PIEZO2: variants seen among roughly 807,000 people sequenced by gnomAD.
The protein encoded by PIEZO2 is piezo-type mechanosensitive ion channel component 2.
Under a neutral mutation model 337.3 loss-of-function variants are expected in PIEZO2, and 172 were observed. That is an observed-to-expected ratio of 0.51 (90% CI 0.45 to 0.58). The LOEUF is 0.58. Among genes scored for constraint, PIEZO2 ranks in the 20% least tolerant of loss-of-function variants. PIEZO2 has a pLI of 0.00. For missense variants in PIEZO2, 3,028 were observed against 3,391.3 expected, an observed-to-expected ratio of 0.89 and a Z score of 2.66; for synonymous variants, 1,251 against 1,228.5, an observed-to-expected ratio of 1.02 and a Z score of -0.38.
intron 49 of PIEZO2, among the ~76,000 whole-genome samples, chr18:10,686,032 G>A (rs901441863): frequency 1.3e-5 from 2 of 152,214 alleles, no homozygotes; most frequent in Non-Finnish European, 1.5e-5. Context: ...TTTTCTTCTG[G>A]CTTTTCCTTA....
chr18:10,768,141 G>C (rs2038444950), intron 21 of PIEZO2, among the ~76,000 whole-genome samples: 1 of 152,204 alleles, frequency 6.6e-6, no homozygotes, highest in Non-Finnish European at 1.5e-5. Context: ...GAAAGGATCA[G>C]ATAAGAAAGG....
rs1568235241 is a variant in PIEZO2 at position 10,954,270 on chromosome 18, G to A, written c.286+25265C>T. Among the ~76,000 whole-genome samples the A allele has an allele frequency of 6.6e-6, 1 of 152,182 alleles. No homozygotes were observed. Among genetic ancestry groups the A allele is most frequent in the Non-Finnish European group, 1.5e-5 (1 of 68,036 alleles). ...TTGAACCTATAGATCAGTTTAGAGA[G>A]AAAGGACATTTTAACAACAGTGAGT... On this transcript the variant is annotated intron_variant, in intron 3 of 55. Coordinates refer to ENST00000674853, the MANE Select transcript of PIEZO2 (RefSeq NM_001378183.1). This position sits in a 1 kb window ranked among gnomAD's most constrained non-coding sequence, Gnocchi z 4.2.
At chr18:11,040,861 C>A (rs1454042972) in intron 2 of PIEZO2, among the ~76,000 whole-genome samples, 1 of 152,142 alleles carries the variant, frequency 6.6e-6, no homozygotes, top group Non-Finnish European at 1.5e-5. Flanking sequence ...ACAATTCAAA[C>A]CTCAAATAAC....
chr18:10,771,032 C>T (rs1223918054), intron 20 of PIEZO2, among the ~76,000 whole-genome samples: 1 of 152,108 alleles, frequency 6.6e-6, no homozygotes, highest in Non-Finnish European at 1.5e-5. Flanking sequence ...TGCCCCCAGC[C>T]CCCTTAATCT....
intron 41 of PIEZO2, among the ~76,000 whole-genome samples, 185 bp downstream of exon 41, chr18:10,705,151 C>T (rs188608127): frequency 2.7e-4 from 41 of 152,256 alleles, no homozygotes; most frequent in African/African-American, 9.4e-4. Flanking sequence ...GGTTCTAGAA[C>T]CAGTCATGGT....
chr18:11,010,548 G>A (rs560721486), intron 2 of PIEZO2, among the ~76,000 whole-genome samples: 2 of 152,308 alleles, frequency 1.3e-5, no homozygotes, highest in African/African-American at 4.8e-5. Flanking sequence ...GCACCTGACT[G>A]AGTCACTCAT....
intron 32 of PIEZO2, among the ~76,000 whole-genome samples, chr18:10,742,106 G>T (rs890987436): frequency 5.9e-5 from 9 of 152,194 alleles, no homozygotes; most frequent in Non-Finnish European, 1.3e-4. Context: ...AGTGAGCCGA[G>T]ATCTCGCCAC....
chr18:10,710,233 A>G (rs910070555), intron 39 of PIEZO2, among the ~76,000 whole-genome samples: 1 of 152,254 alleles, frequency 6.6e-6, no homozygotes, highest in Non-Finnish European at 1.5e-5. Context: ...CAGAACCCAC[A>G]TAATCCCACA....
intron 3 of PIEZO2, among the ~76,000 whole-genome samples, chr18:10,941,785 A>G (rs1165220158): frequency 6.6e-6 from 1 of 152,240 alleles, no homozygotes; most frequent in African/African-American, 2.4e-5. Context: ...GAAGGTTGAA[A>G]TGTAAATAGG....
chr18:10,773,669 G>A lies in PIEZO2; in HGVS notation c.2568-40C>T, dbSNP rs2038684162. 1.3e-6 allele frequency: 2 copies of A among 1,521,254 alleles called. No homozygotes were observed. The highest frequency in any genetic ancestry group is 1.8e-6 in the Non-Finnish European group (2 of 1,132,880). The allele number at this position is 1,521,254 out of a possible 1,614,324, so 94.2% of individuals were successfully genotyped here. On this transcript the variant is annotated intron_variant, in intron 19 of 55. Coordinates refer to ENST00000674853, the MANE Select transcript of PIEZO2 (RefSeq NM_001378183.1). The surrounding 1 kb of genome is among the most constrained non-coding windows in gnomAD (Gnocchi z 5.3). Reference sequence around the variant, plus strand: ...CAGCTGAGTCAGAAGAGGAAAGGGTGTTGGGAGAGATTTGACTGAGGGGCA... The same window carrying A: ...CAGCTGAGTCAGAAGAGGAAAGGGTATTGGGAGAGATTTGACTGAGGGGCA...
chr18:11,145,668 C>G (rs989309578), intron 1 of PIEZO2, among the ~76,000 whole-genome samples: 1 of 152,154 alleles, frequency 6.6e-6, no homozygotes, highest in Non-Finnish European at 1.5e-5. Context: ...CAGACCAGAA[C>G]CCTCCAATAA....
chr18:11,081,429 T>C (rs575538904), intron 1 of PIEZO2, among the ~76,000 whole-genome samples: 13 of 152,314 alleles, frequency 8.5e-5, no homozygotes, highest in Non-Finnish European at 1.8e-4. Context: ...AGCAAGTCCA[T>C]TGATATCCTA....
At chr18:10,923,353 C>T (rs570089732) in intron 3 of PIEZO2, among the ~76,000 whole-genome samples, 1 of 152,252 alleles carries the variant, frequency 6.6e-6, no homozygotes, top group African/African-American at 2.4e-5. Flanking sequence ...TCCTAAGTGA[C>T]AAATCACTAG....
In PIEZO2 at chr18:10,821,415, A is replaced by C. The variant is rs2040517608; in HGVS notation, c.918-14141T>G. 6.6e-6 allele frequency among the ~76,000 whole-genome samples: 1 copy of C among 152,220 alleles called. No individual in the cohort carries two copies. On this transcript the variant is annotated intron_variant, in intron 7 of 55. Coordinates refer to ENST00000674853, the MANE Select transcript of PIEZO2 (RefSeq NM_001378183.1). This position sits in a 1 kb window ranked among gnomAD's most constrained non-coding sequence, Gnocchi z 4.2. ...ATATCTTTTTAACACCTGCCTGACT[A>C]ATATGAATATATACTTGCATAAAGG...
intron 4 of PIEZO2, among the ~76,000 whole-genome samples, chr18:10,884,500 A>C (rs1316352194): frequency 1.3e-5 from 2 of 152,218 alleles, no homozygotes; most frequent in African/African-American, 2.4e-5. Flanking sequence ...ACAGGCACAA[A>C]AACAGAGCCA....
rs1364166635 is a variant in PIEZO2 at position 11,066,220 on chromosome 18, A to G, written c.67T>C (p.Cys23Arg). ...LLLPICLAVA[C>R]AFRYNGLSFV... ...GAGAGCCCATTGTATCGGAATGCAC[A>G]TGCTGTGGGTGGGAAGAGAGAAGAG... Residue 23 changes from cysteine to arginine, a missense_variant and splice_region_variant, in exon 2 of 56, where the codon TGT becomes CGT. Physicochemically the swap from Cys to Arg is radical, Grantham distance 180. Transcript: ENST00000674853. The G allele has an allele frequency of 2.0e-6, 3 of 1,535,462 alleles. No homozygotes were observed. The highest frequency in any genetic ancestry group is 3.9e-5 in the Admixed American group (2 of 50,986).
At position 11,105,673 on chromosome 18, in the gene PIEZO2, C is replaced by T. The variant is rs2039537404; in HGVS notation, c.65-39451G>A. Among the ~76,000 whole-genome samples, 1 of 152,210 alleles carries T rather than the reference C, an allele frequency of 6.6e-6. No individual in the cohort carries two copies. Among genetic ancestry groups the T allele is most frequent in the Non-Finnish European group, 1.5e-5 (1 of 68,042 alleles). On this transcript the variant is annotated intron_variant, in intron 1 of 55. Transcript: ENST00000674853. The surrounding 1 kb of genome is among the most constrained non-coding windows in gnomAD (Gnocchi z 4.3). ...AAGCCGCTACAAAGCAATATTTCAACATCACGTGTCCTCTGAAAGCCTGAG... is the reference window on the plus strand; with the variant it reads ...AAGCCGCTACAAAGCAATATTTCAATATCACGTGTCCTCTGAAAGCCTGAG...
chr18:11,077,664 C>T lies in PIEZO2; in HGVS notation c.65-11442G>A, dbSNP rs924710841. ...CACTCCAGCCTGTTTCAGAAGTTCT[C>T]TCTTTATAGATTCATAGAGATTTCA... is the stretch of plus-strand genomic sequence containing the variant. On this transcript the variant is annotated intron_variant, in intron 1 of 55. Coordinates refer to ENST00000674853, the MANE Select transcript of PIEZO2 (RefSeq NM_001378183.1). This position sits in a 1 kb window ranked among gnomAD's most constrained non-coding sequence, Gnocchi z 4.8. 2.0e-5 allele frequency among the ~76,000 whole-genome samples: 3 copies of T among 152,188 alleles called. No individual in the cohort carries two copies. Among genetic ancestry groups the T allele is most frequent in the African/African-American group, 7.2e-5 (3 of 41,462 alleles).
At chr18:10,924,347 A>T (rs2031599852) in intron 3 of PIEZO2, among the ~76,000 whole-genome samples, 2 of 152,302 alleles carry the variant, frequency 1.3e-5, no homozygotes, top group South Asian at 2.1e-4. Context: ...CTAGGGGAAA[A>T]GCATAGAATG....
Sources: allele counts gnomAD v4.1 joint callset (sites outside exome capture counted in the v4.1 genomes callset), GRCh38; gene constraint gnomAD v4.1.1; non-coding constraint Gnocchi (gnomAD v3.1); transcripts MANE v1.5; gene names NCBI Gene and HGNC (gene_info 2026-07-23, HGNC 2026-07-21).